GPR149: variants seen among roughly 807,000 people sequenced by gnomAD.
GPR149 encodes G protein-coupled receptor 149, also known as probable G protein-coupled receptor 149.
Under a neutral mutation model 50.2 loss-of-function variants are expected in GPR149, and 50 were observed. The ratio of observed to expected loss-of-function variants is 1.00; its 90% confidence interval spans 0.79 to 1.26. The LOEUF (loss-of-function observed/expected upper bound fraction) is 1.26, where lower values mean the gene tolerates loss of function less well. Ranked by LOEUF, GPR149 falls within the 50% of genes most tolerant of loss-of-function variation. The pLI is 0.00. For missense variants in GPR149, 983 were observed against 895.4 expected, an observed-to-expected ratio of 1.10 and a Z score of -1.25; for synonymous variants, 405 against 358.2, an observed-to-expected ratio of 1.13 and a Z score of -1.48.
intron 3 of GPR149, among the ~76,000 whole-genome samples, chr3:154,387,318 T>C (rs994490057): frequency 2.6e-5 from 4 of 152,226 alleles, no homozygotes; most frequent in African/African-American, 7.2e-5. Context: ...CTTGAGGTAC[T>C]GTCATTATCT....
rs571778012 is a variant in GPR149, at chr3:154,428,791, G to T, written c.825C>A (p.Phe275Leu). The change falls in exon 1 of 4, where the codon TTC (phenylalanine) becomes TTA (leucine). Residue 275 changes from phenylalanine (F) to leucine (L), a missense_variant. Phe to Leu is a conservative substitution (Grantham distance 22). Coordinates refer to ENST00000389740, the MANE Select transcript of GPR149 (RefSeq NM_001038705.3). ...GGCSPSSDTV[F>L]GPGAPAAAGA... is the part of the protein sequence containing the mutation. ...CAGCGGCAGCGGGCGCACCCGGTCC[G>T]AACACGGTGTCGGAGCTCGGAGAGC... is the stretch of plus-strand genomic sequence containing the variant. 6 of 1,613,730 alleles carry T rather than the reference G, an allele frequency of 3.7e-6. No individual in the cohort carries two copies. Among genetic ancestry groups the T allele is most frequent in the Non-Finnish European group, 5.1e-6 (6 of 1,180,026 alleles).
intron 3 of GPR149, chr3:154,352,032 TAGC>T (rs1185595316): frequency 2.7e-6 from 1 of 371,978 alleles, no homozygotes; most frequent in Non-Finnish European, 4.8e-6. Context: ...TCTGTGCAAA[TAGC>T]AGACACATAC....
At chr3:154,417,696 C>T (rs16824028) in intron 3 of GPR149, among the ~76,000 whole-genome samples, 1 of 151,694 alleles carries the variant, frequency 6.6e-6, no homozygotes, top group African/African-American at 2.4e-5. Flanking sequence ...TCACTATATA[C>T]GATACATATG....
chr3:154,387,845 T>C (rs56072192), intron 3 of GPR149, among the ~76,000 whole-genome samples: 9,317 of 152,194 alleles, frequency 0.061, 929 homozygotes, highest in African/African-American at 0.21. Context: ...ATTTTTACTC[T>C]ACCTATGCTG....
intron 3 of GPR149, among the ~76,000 whole-genome samples, chr3:154,381,261 G>T (rs1201117654): frequency 6.6e-6 from 1 of 152,144 alleles, no homozygotes; most frequent in Non-Finnish European, 1.5e-5. Context: ...CTGGACCCCA[G>T]CACCTGTTGC....
At chr3:154,343,960 C>T (rs1713862515) in intron 3 of GPR149, among the ~76,000 whole-genome samples, 1 of 151,620 alleles carries the variant, frequency 6.6e-6, no homozygotes, top group South Asian at 2.1e-4. Context: ...ACCCGGGTGA[C>T]AGTGAGACCT....
In GPR149 at chr3:154,391,975, T is replaced by C. The variant is rs1015989569; in HGVS notation, c.1623+29064A>G. Among the ~76,000 whole-genome samples, 19 of 151,922 alleles carry C rather than the reference T, an allele frequency of 1.3e-4. 2 individuals carry two copies. Among genetic ancestry groups the C allele is most frequent in the East Asian group, 3.9e-4 (2 of 5,182 alleles). On this transcript the variant is annotated intron_variant, in intron 3 of 3. Transcript: ENST00000389740. ...ACTCACCAAAAAGATATAACAACTA[T>C]GAATGTATACACATCCAACATCAGA... is the stretch of plus-strand genomic sequence containing the variant.
At chr3:154,352,655 A>G (rs192615537) in intron 3 of GPR149, 12 of 778,930 alleles carry the variant, frequency 1.5e-5, no homozygotes, top group East Asian at 4.9e-5. Context: ...GTTGCAGCCA[A>G]TGCATCCACT....
chr3:154,415,106 A>T (rs1322020182), intron 3 of GPR149, among the ~76,000 whole-genome samples: 1 of 151,174 alleles, frequency 6.6e-6, no homozygotes, highest in Non-Finnish European at 1.5e-5. Context: ...AGTTTAAAAA[A>T]TGTAGTGAGT....
chr3:154,358,948 T>C (rs1714315475), intron 3 of GPR149, among the ~76,000 whole-genome samples: 1 of 152,186 alleles, frequency 6.6e-6, no homozygotes, highest in Admixed American at 6.5e-5. Flanking sequence ...GCTATTGAAA[T>C]ATATCTAAAG....
rs3069044 is a variant in GPR149 at position 154,374,169 on chromosome 3, C to CTTTTTTTTTTTTT, written c.1624-35911_1624-35899dup. Among the ~76,000 whole-genome samples, 164 of 103,074 alleles carry CTTTTTTTTTTTTT rather than the reference C, an allele frequency of 1.6e-3. 2 individuals are homozygous for CTTTTTTTTTTTTT. The highest frequency in any genetic ancestry group is 2.3e-3 in the Non-Finnish European group (124 of 54,564). The allele number at this position is 103,074 out of a possible 152,430, so 67.6% of individuals were successfully genotyped here. A position where few individuals can be genotyped will look rare whatever the true frequency, so the allele number is the denominator to read the frequency against. ...TTCTTTCTTTCTTTTCTTTTCTTTT[C>CTTTTTTTTTTTTT]TTTTTTTTTTTTTTTTGAGACAGAG... On this transcript the variant is annotated intron_variant, in intron 3 of 3. Transcript: ENST00000389740.
At chr3:154,369,002 G>A (rs954439327) in intron 3 of GPR149, among the ~76,000 whole-genome samples, 2 of 152,250 alleles carry the variant, frequency 1.3e-5, no homozygotes, top group Non-Finnish European at 2.9e-5. Context: ...GGCAAGGGAA[G>A]TTTCCATCCC....
At chr3:154,411,144 A>G (rs918105160) in intron 3 of GPR149, among the ~76,000 whole-genome samples, 4 of 152,138 alleles carry the variant, frequency 2.6e-5, no homozygotes, top group Non-Finnish European at 4.4e-5. Flanking sequence ...TTTGAACTGA[A>G]TGATAATAGT....
chr3:154,353,099 T>G, intron 3 of GPR149: 2 of 1,467,052 alleles, frequency 1.4e-6, no homozygotes, highest in South Asian at 2.3e-5. Context: ...GGGCATTCTG[T>G]TTTATGTGTG....
chr3:154,362,955 T>A (rs1044881907), intron 3 of GPR149, among the ~76,000 whole-genome samples: 5 of 152,158 alleles, frequency 3.3e-5, no homozygotes, highest in Admixed American at 6.6e-5. Flanking sequence ...ACACATGAGA[T>A]CACTTGAAAA....
In GPR149 at chr3:154,421,429, T is replaced by A. The variant is rs763050760; in HGVS notation, c.1233A>T (p.Lys411Asn). Residue 411 changes from lysine (K) to asparagine (N), a missense_variant, in exon 3 of 4, where the codon AAA (lysine) becomes AAT (asparagine). Lys to Asn is a moderately conservative substitution (Grantham distance 94). Transcript: ENST00000389740. ...CATCATAGTAATCTTCATGTGCTAT[T>A]TTATAAATCCCATAACTTTTTTGGA... is the stretch of plus-strand genomic sequence containing the variant. ...LSFQKSYGIY[K>N]IAHEDYYDDD... The A allele has an allele frequency of 6.2e-7, 1 of 1,604,472 alleles. No homozygotes were observed. The highest frequency in any genetic ancestry group is 1.1e-5 in the South Asian group (1 of 89,128).
chr3:154,378,087 C>CG (rs1553764603), intron 3 of GPR149, among the ~76,000 whole-genome samples: 1 of 126,108 alleles, frequency 7.9e-6, no homozygotes, highest in Admixed American at 8.7e-5. Flanking sequence ...ATCCCCCCCC[C>CG]CTTTTTTTTT....
intron 3 of GPR149, among the ~76,000 whole-genome samples, chr3:154,412,450 C>T (rs924841683): frequency 3.3e-5 from 5 of 152,068 alleles, no homozygotes; most frequent in African/African-American, 9.7e-5. Flanking sequence ...CTAAAAAGCT[C>T]CTAGAACTGG....
Position 154,428,266 on chromosome 3 carries a change from C to T in GPR149, c.981+369G>A, listed in dbSNP as rs138099579. Reference sequence around the variant, plus strand: ...GAATGGAACGGCGAGAAAGGGATGACAGAAGGTTGTGGGGAAAAAACCTTT... The same window carrying T: ...GAATGGAACGGCGAGAAAGGGATGATAGAAGGTTGTGGGGAAAAAACCTTT... On this transcript the variant is annotated intron_variant, in intron 1 of 3. Coordinates refer to ENST00000389740, the MANE Select transcript of GPR149 (RefSeq NM_001038705.3). Among the ~76,000 whole-genome samples the T allele has an allele frequency of 3.9e-3, 588 of 152,324 alleles. 2 individuals are homozygous for T. Among genetic ancestry groups the T allele is most frequent in the Middle Eastern group, 0.014 (4 of 294 alleles).
Sources: allele counts gnomAD v4.1 joint callset (sites outside exome capture counted in the v4.1 genomes callset), GRCh38; gene constraint gnomAD v4.1.1; transcripts MANE v1.5; gene names NCBI Gene and HGNC (gene_info 2026-07-23, HGNC 2026-07-21).